CTIF: variants seen among roughly 807,000 people sequenced by gnomAD.
CTIF encodes CBP80/20-dependent translation initiation factor.
In CTIF, 21 loss-of-function variants were observed where a neutral mutation model predicts 66.0. The observed-to-expected ratio is 0.32, with a 90% confidence interval of 0.23 to 0.46. CTIF has a LOEUF of 0.46. CTIF is among the 20% of genes least tolerant of loss of function. CTIF has a pLI of 1.00. For synonymous variants in CTIF, 345 were observed against 326.4 expected (o/e 1.06, Z -0.62); for missense variants, 739 against 812.7 (o/e 0.91, Z 1.10).
Position 48,711,609 on chromosome 18 carries a change from C to G in CTIF, c.508-10C>G, listed in dbSNP as rs1044156498. 1 of 1,613,154 alleles carries G rather than the reference C, an allele frequency of 6.2e-7. No individual in the cohort carries two copies. Among genetic ancestry groups the G allele is most frequent in the South Asian group, 1.1e-5 (1 of 91,026 alleles). ...TACTAATGATCCCCCTTCCTCCCCC[C>G]ATGACACAGGGCTACCACCCGATGC... is the stretch of plus-strand genomic sequence containing the variant. On this transcript the variant is annotated splice_polypyrimidine_tract_variant and intron_variant, in intron 6 of 11. Coordinates refer to ENST00000256413, the MANE Select transcript of CTIF (RefSeq NM_014772.3).
rs533444884 is a variant in CTIF at position 48,597,718 on chromosome 18, C to A, written c.-28-21820C>A. Among the ~76,000 whole-genome samples the A allele has an allele frequency of 2.6e-5, 4 of 152,286 alleles. 1 individual carries two copies. The highest frequency in any genetic ancestry group is 9.6e-5 in the African/African-American group (4 of 41,556). ...CCTGCAGAACCATGAACCAATGAAG[C>A]CTTTTTTCTTTATAAATTACCCAGC... On this transcript the variant is annotated intron_variant, in intron 1 of 11. Transcript: ENST00000256413.
intron 6 of CTIF, chr18:48,688,555 A>G (rs181861108): frequency 1.3e-5 from 2 of 152,200 alleles, no homozygotes; most frequent in Non-Finnish European, 2.9e-5. Context: ...AAAAGCACCT[A>G]GTCACCATTC....
At chr18:48,557,577 G>A (rs1325435204) in intron 1 of CTIF, among the ~76,000 whole-genome samples, 3 of 152,194 alleles carry the variant, frequency 2.0e-5, no homozygotes, top group African/African-American at 7.2e-5. Flanking sequence ...ACCTCTGCTC[G>A]ATTTGTCTTC....
At chr18:48,543,369 G>A (rs2088669892) in intron 1 of CTIF, among the ~76,000 whole-genome samples, 1 of 152,208 alleles carries the variant, frequency 6.6e-6, no homozygotes, top group South Asian at 2.1e-4. Flanking sequence ...TTGGCAGGGG[G>A]AGGGGGCGTC....
At chr18:48,704,139 C>T (rs1168234641) in intron 6 of CTIF, among the ~76,000 whole-genome samples, 1 of 152,134 alleles carries the variant, frequency 6.6e-6, no homozygotes, top group African/African-American at 2.4e-5. Context: ...GGAGAGAGCT[C>T]TCTGATGCTC....
rs35415961 is a variant in CTIF at position 48,593,748 on chromosome 18, G to GTT, written c.-28-25780_-28-25779dup. 2.3e-4 allele frequency among the ~76,000 whole-genome samples: 34 copies of GTT among 145,734 alleles called. 1 individual carries two copies. Among genetic ancestry groups the GTT allele is most frequent in the Middle Eastern group, 3.5e-3 (1 of 282 alleles). ...TTAAACTCTGGGAGGTTTTTTGTTT[G>GTT]TTTTTTTTTTTAAGATATTATTCTT... is the stretch of plus-strand genomic sequence containing the variant. On this transcript the variant is annotated intron_variant, in intron 1 of 11. Transcript: ENST00000256413.
At chr18:48,796,849 G>C (rs568245279) in intron 9 of CTIF, among the ~76,000 whole-genome samples, 5 of 152,346 alleles carry the variant, frequency 3.3e-5, no homozygotes, top group Non-Finnish European at 5.9e-5. Context: ...TGTGTGACGA[G>C]AATTGTTTCC....
At chr18:48,628,033 C>T (rs371131767) in intron 2 of CTIF, among the ~76,000 whole-genome samples, 3 of 152,058 alleles carry the variant, frequency 2.0e-5, no homozygotes, top group African/African-American at 4.8e-5. Flanking sequence ...AGACTGGGGC[C>T]GTGTGGTCAC....
chr18:48,547,180 G>A (rs1395228265), intron 1 of CTIF, among the ~76,000 whole-genome samples: 3 of 152,150 alleles, frequency 2.0e-5, no homozygotes, highest in Admixed American at 6.5e-5. Flanking sequence ...TGCACAACTC[G>A]GGGAGGCATG....
intron 7 of CTIF, among the ~76,000 whole-genome samples, chr18:48,739,701 CA>C (rs1324666724): frequency 1.3e-5 from 2 of 152,204 alleles, no homozygotes; most frequent in African/African-American, 4.8e-5. Flanking sequence ...GGGCCCTTCC[CA>C]GGGGCCACTG....
chr18:48,808,016 A>G (rs2068185416), intron 9 of CTIF, among the ~76,000 whole-genome samples: 1 of 152,114 alleles, frequency 6.6e-6, no homozygotes, highest in South Asian at 2.1e-4. Context: ...TTTCCTTATG[A>G]TAATTACCAG....
At chr18:48,620,327 T>C (rs563775026) in intron 2 of CTIF, among the ~76,000 whole-genome samples, 1 of 152,304 alleles carries the variant, frequency 6.6e-6, no homozygotes, top group Admixed American at 6.5e-5. Flanking sequence ...TCCCTGACCT[T>C]GGAGGGGAGA....
At chr18:48,557,893 C>T (rs1030644409) in intron 1 of CTIF, among the ~76,000 whole-genome samples, 4 of 152,258 alleles carry the variant, frequency 2.6e-5, no homozygotes, top group Non-Finnish European at 5.9e-5. Flanking sequence ...CTATCCTAAT[C>T]AGACCCCACC....
chr18:48,645,625 G>C (rs2091016519), intron 3 of CTIF, among the ~76,000 whole-genome samples: 1 of 152,220 alleles, frequency 6.6e-6, no homozygotes, highest in African/African-American at 2.4e-5. Context: ...GGTGTCACTG[G>C]AGACAGCAGG....
At chr18:48,704,684 A>G (rs1462055463) in intron 6 of CTIF, among the ~76,000 whole-genome samples, 1 of 152,180 alleles carries the variant, frequency 6.6e-6, no homozygotes, top group Non-Finnish European at 1.5e-5. Flanking sequence ...CCTTGTTTTT[A>G]CAAGGACATC....
intron 1 of CTIF, among the ~76,000 whole-genome samples, chr18:48,601,604 A>G (rs2090092573): frequency 1.3e-5 from 2 of 152,226 alleles, no homozygotes; most frequent in South Asian, 4.1e-4. Context: ...CAGGACAGCT[A>G]TAAACTAATG....
intron 9 of CTIF, among the ~76,000 whole-genome samples, chr18:48,772,341 A>G (rs180720099): frequency 6.6e-6 from 1 of 152,248 alleles, no homozygotes; most frequent in East Asian, 1.9e-4. Context: ...AAAATTCACC[A>G]TCTGAACTAG....
intron 5 of CTIF, among the ~76,000 whole-genome samples, chr18:48,669,609 T>C (rs541854153): frequency 6.6e-6 from 1 of 151,966 alleles, no homozygotes; most frequent in South Asian, 2.1e-4. Flanking sequence ...TTAGTGGTAA[T>C]GAAAGTAGTC....
chr18:48,787,636 C>T (rs1266841426), intron 9 of CTIF, among the ~76,000 whole-genome samples: 1 of 152,174 alleles, frequency 6.6e-6, no homozygotes, highest in East Asian at 1.9e-4. Flanking sequence ...GAGTCTGCCC[C>T]CTCCTGAGAA....
Sources: allele counts gnomAD v4.1 joint callset (sites outside exome capture counted in the v4.1 genomes callset), GRCh38; gene constraint gnomAD v4.1.1; transcripts MANE v1.5; gene names NCBI Gene and HGNC (gene_info 2026-07-23, HGNC 2026-07-21).